Variants in PPIG observed in about 807,000 individuals in gnomAD.
PPIG encodes the protein peptidyl-prolyl cis-trans isomerase G.
In PPIG, 26 loss-of-function variants were observed where a neutral mutation model predicts 87.9. The observed-to-expected ratio is 0.30, with a 90% CI of 0.22 to 0.41. The LOEUF (loss-of-function observed/expected upper bound fraction) is 0.41, where lower values mean the gene tolerates loss of function less well. PPIG is among the 10% of genes least tolerant of loss of function. The pLI is 1.00. For missense variants in PPIG, 722 were observed against 879.4 expected, an observed-to-expected ratio of 0.82 and a Z score of 2.26; for synonymous variants, 308 against 276.5, an observed-to-expected ratio of 1.11 and a Z score of -1.13.
intron 1 of PPIG, among the ~76,000 whole-genome samples, chr2:169,588,295 T>A (rs1292815067): frequency 6.6e-6 from 1 of 152,238 alleles, no homozygotes; most frequent in African/African-American, 2.4e-5. Context: ...AGCTTATAAT[T>A]AAACCATTGA....
rs1379700483 is a variant in PPIG, at chr2:169,607,108, T to C, written c.249T>C (p.Asn83=). 1.3e-6 allele frequency: 2 copies of C among 1,569,046 alleles called. No homozygotes were observed. The highest frequency in any genetic ancestry group is 2.3e-5 in the South Asian group (2 of 88,098). Residue 83 remains asparagine, a synonymous_variant, in exon 6 of 14, where the codon AAT becomes AAC. Coordinates refer to ENST00000260970, the MANE Select transcript of PPIG (RefSeq NM_004792.3). ...GAGTATGTTTTTCATTTTTAGGAAA[T>C]GGACGAGGAGGGGAATCTATCTATG... ...MVQGGDFSEG[N]GRGGESIYGG... is the part of the protein sequence containing the mutation.
At chr2:169,586,555 G>C (rs57250570) in intron 1 of PPIG, among the ~76,000 whole-genome samples, 7,886 of 152,214 alleles carry the variant, frequency 0.052, 283 homozygotes, top group East Asian at 0.1. Context: ...TCGATTTACT[G>C]TGGTGCTTAT....
intron 7 of PPIG, among the ~76,000 whole-genome samples, chr2:169,612,556 G>A (rs1047974908): frequency 1.3e-5 from 2 of 151,878 alleles, no homozygotes; most frequent in African/African-American, 4.8e-5. Flanking sequence ...GCTAATTTTT[G>A]TATTTTTAGT....
Position 169,636,483 on chromosome 2 carries a change from C to G in PPIG, c.1225C>G (p.His409Asp). 6.3e-7 allele frequency: 1 copy of G among 1,593,322 alleles called. No homozygotes were observed. Among genetic ancestry groups the G allele is most frequent in the East Asian group, 2.2e-5 (1 of 44,598 alleles). Residue 409 changes from histidine to aspartate, a missense_variant, in exon 14 of 14, where the codon CAC (histidine) becomes GAC (aspartate). Transcript: ENST00000260970. ...VRVKERKITDHRNVSESPNRK... is the reference protein window; with the variant it reads ...VRVKERKITDDRNVSESPNRK... The stretch of plus-strand genomic sequence containing the variant: ...AGTAAAAGAGAGAAAAATAACAGAT[C>G]ACAGGAATGTATCTGAGAGTCCAAA...
Position 169,606,064 on chromosome 2 carries a change from T to C in PPIG, c.162T>C (p.Thr54=). The change falls in exon 5 of 14, where the codon ACT becomes ACC. Residue 54 remains threonine (T), a synonymous_variant. Coordinates refer to ENST00000260970, the MANE Select transcript of PPIG (RefSeq NM_004792.3). ...CTGEKGTGKS[T]QKPLHYKSCL... is the part of the protein sequence containing the mutation. ...GTGAAAAGGGGACCGGGAAATCAAC[T>C]CAGAAACCATTACATTATAAGAGTT... The C allele has an allele frequency of 1.2e-6, 2 of 1,612,712 alleles. No individual in the cohort carries two copies. The highest frequency in any genetic ancestry group is 2.2e-5 in the South Asian group (2 of 91,046).
intron 1 of PPIG, among the ~76,000 whole-genome samples, chr2:169,601,633 A>T (rs569824300): frequency 1.8e-4 from 28 of 152,306 alleles, no homozygotes; most frequent in African/African-American, 6.5e-4. Flanking sequence ...AATGTAAAGG[A>T]CCTGATGAAA....
chr2:169,636,340 T>A, intron 13 of PPIG, 73 bp from the exon 14 acceptor site: 1 of 1,467,422 alleles, frequency 6.8e-7, no homozygotes, highest in South Asian at 1.5e-5. Flanking sequence ...AAAAGTAGAA[T>A]ATCATTTTAG....
intron 12 of PPIG, among the ~76,000 whole-genome samples, chr2:169,634,340 G>A (rs1462082585): frequency 6.6e-6 from 1 of 152,134 alleles, no homozygotes; most frequent in East Asian, 1.9e-4. Context: ...AGAATTACAG[G>A]CGTGAGCCAC....
chr2:169,586,231 T>C (rs1433935585), intron 1 of PPIG, among the ~76,000 whole-genome samples: 1 of 152,198 alleles, frequency 6.6e-6, no homozygotes, highest in Non-Finnish European at 1.5e-5. Flanking sequence ...ATTCTGCGCA[T>C]TTGAATTGTT....
At position 169,631,950 on chromosome 2, in the gene PPIG, AT is replaced by A. The variant is rs1411733219; in HGVS notation, c.929+21del. ...AAGAGAGTGGTATGTGAATATGTAT[AT>A]TTTGCCTTACATGGTTTACCATAGA... On this transcript the variant is annotated intron_variant, in intron 11 of 13. Coordinates refer to ENST00000260970, the MANE Select transcript of PPIG (RefSeq NM_004792.3). 1.3e-6 allele frequency: 2 copies of A among 1,566,728 alleles called. No homozygotes were observed. Among genetic ancestry groups the A allele is most frequent in the East Asian group, 2.3e-5 (1 of 43,556 alleles).
intron 9 of PPIG, among the ~76,000 whole-genome samples, chr2:169,629,506 C>T (rs1685981171): frequency 6.6e-6 from 1 of 152,268 alleles, no homozygotes; most frequent in African/African-American, 2.4e-5. Context: ...TTAATAAATT[C>T]CCTCACCATC....
intron 9 of PPIG, among the ~76,000 whole-genome samples, chr2:169,627,029 T>G (rs71430680): frequency 6.6e-6 from 1 of 152,126 alleles, no homozygotes; most frequent in African/African-American, 2.4e-5. Context: ...CCTCTTATAG[T>G]TAATGTTTTC....
At chr2:169,585,348 G>A (rs1297882617) in intron 1 of PPIG, among the ~76,000 whole-genome samples, 2 of 142,162 alleles carry the variant, frequency 1.4e-5, no homozygotes, top group African/African-American at 5.2e-5. Flanking sequence ...TGCAACCTCC[G>A]CCTCCTGGGT....
chr2:169,636,494 A>G lies in PPIG; in HGVS notation c.1236A>G (p.Val412=), dbSNP rs1200153353. The G allele has an allele frequency of 1.6e-5, 26 of 1,606,704 alleles. No individual in the cohort carries two copies. Among genetic ancestry groups the G allele is most frequent in the Non-Finnish European group, 2.2e-5 (26 of 1,177,584 alleles). ...KERKITDHRN[V]SESPNRKNEK... ...GAAAAATAACAGATCACAGGAATGT[A>G]TCTGAGAGTCCAAACAGAAAAAATG... The change falls in exon 14 of 14, where the codon GTA becomes GTG. Residue 412 remains valine (V), a synonymous_variant. Transcript: ENST00000260970.
intron 6 of PPIG, among the ~76,000 whole-genome samples, chr2:169,607,426 A>G (rs1227610167): frequency 2.0e-5 from 3 of 152,196 alleles, no homozygotes; most frequent in Non-Finnish European, 2.9e-5. Flanking sequence ...CCGTAGGTCA[A>G]TCTTAACTTT....
At chr2:169,631,626 T>C in intron 10 of PPIG, 140 bp from the exon 11 acceptor site, 1 of 1,454,106 alleles carries the variant, frequency 6.9e-7, no homozygotes, top group Non-Finnish European at 9.0e-7. Context: ...TAGAAGATTT[T>C]TCCCATGCGA....
intron 9 of PPIG, among the ~76,000 whole-genome samples, chr2:169,621,334 T>C (rs1179051926): frequency 6.6e-6 from 1 of 152,144 alleles, no homozygotes; most frequent in Non-Finnish European, 1.5e-5. Context: ...TCTGCTAATT[T>C]TATTTTCTTC....
intron 12 of PPIG, 163 bp downstream of exon 12, chr2:169,633,410 T>G: frequency 4.6e-6 from 3 of 655,384 alleles, no homozygotes; most frequent in Middle Eastern, 4.0e-4. Flanking sequence ...CTTCTGTATG[T>G]TGGTACTTCC....
At chr2:169,625,538 T>A (rs1685860943) in intron 9 of PPIG, among the ~76,000 whole-genome samples, 1 of 152,194 alleles carries the variant, frequency 6.6e-6, no homozygotes. Flanking sequence ...TAACAAATGC[T>A]AGTTTCAATT....
Sources: gnomAD v4.1 joint callset for allele counts (sites outside exome capture counted in the v4.1 genomes callset) on GRCh38, gnomAD v4.1.1 for gene constraint, MANE v1.5 for transcripts, NCBI Gene and HGNC (gene_info 2026-07-23, HGNC 2026-07-21) for gene names.